TIAM2: variants seen among roughly 807,000 people sequenced by gnomAD.
TIAM2 encodes rho guanine nucleotide exchange factor TIAM2.
TIAM2 carries 80 observed loss-of-function variants against 152.9 expected under a neutral mutation model. The observed-to-expected ratio is 0.52, with a 90% CI of 0.44 to 0.63. The LOEUF (loss-of-function observed/expected upper bound fraction) is 0.63, where lower values mean the gene tolerates loss of function less well. TIAM2 is among the 30% of genes least tolerant of loss of function. The pLI is 0.00. For synonymous variants in TIAM2, 804 were observed against 838.0 expected (o/e 0.96, Z 0.70); for missense variants, 1,965 against 2,120.1 (o/e 0.93, Z 1.44).
chr6:155,153,029 G>C (rs1780011631), intron 7 of TIAM2, among the ~76,000 whole-genome samples: 1 of 152,138 alleles, frequency 6.6e-6, no homozygotes, highest in Non-Finnish European at 1.5e-5. Flanking sequence ...TGGTCAGGTG[G>C]CCTGAAGAGA....
At position 155,254,412 on chromosome 6, in the gene TIAM2, C is replaced by CG. The variant is rs755921688; in HGVS notation, c.4314-7_4314-6insG. On this transcript the variant is annotated splice_polypyrimidine_tract_variant and splice_region_variant and intron_variant, in intron 25 of 26. Transcript: ENST00000682666. The stretch of plus-strand genomic sequence containing the variant: ...ACTTCTGCTGTTTTCTCTCCCCCCC[C>CG]ACCCAGTGACAGTGAAAGCAAAACC... 47 of 1,609,732 alleles carry CG rather than the reference C, an allele frequency of 2.9e-5. No homozygotes were observed. The highest frequency in any genetic ancestry group is 2.3e-4 in the Admixed American group (14 of 59,946).
At chr6:155,117,276 A>AGT (rs35191081) in intron 2 of TIAM2, among the ~76,000 whole-genome samples, 64,329 of 151,200 alleles carry the variant, frequency 0.43, 15,451 homozygotes, top group East Asian at 0.66. Context: ...TTTGCTTGAA[A>AGT]GTGTGTGTGT....
intron 1 of TIAM2, among the ~76,000 whole-genome samples, chr6:155,080,162 C>T (rs770618324): frequency 6.6e-6 from 1 of 151,846 alleles, no homozygotes; most frequent in Non-Finnish European, 1.5e-5. Context: ...TTATCCGCCC[C>T]GTGGCTGTCA....
chr6:155,024,841 A>C (rs1308676546), intron 1 of TIAM2, among the ~76,000 whole-genome samples: 1 of 152,168 alleles, frequency 6.6e-6, no homozygotes, highest in African/African-American at 2.4e-5. Context: ...GCTTTTATTT[A>C]CAGGTGGTTG....
intron 1 of TIAM2, among the ~76,000 whole-genome samples, chr6:155,015,201 T>C (rs1202750396): frequency 1.3e-5 from 2 of 151,498 alleles, no homozygotes; most frequent in East Asian, 3.9e-4. Flanking sequence ...TAGGGAGGGG[T>C]AAAAAATGAC....
chr6:155,087,926 T>C (rs937591182), intron 1 of TIAM2, among the ~76,000 whole-genome samples: 1 of 152,056 alleles, frequency 6.6e-6, no homozygotes, highest in Admixed American at 6.6e-5. Context: ...ACACTACCTC[T>C]TTGAGTTTTA....
intron 9 of TIAM2, among the ~76,000 whole-genome samples, chr6:155,173,453 A>G (rs754986524): frequency 1.3e-5 from 2 of 152,164 alleles, no homozygotes; most frequent in Non-Finnish European, 2.9e-5. Flanking sequence ...ATCTATCTGC[A>G]CACTTTTCTC....
intron 15 of TIAM2, among the ~76,000 whole-genome samples, chr6:155,220,048 G>A (rs1172458804): frequency 6.6e-6 from 1 of 152,250 alleles, no homozygotes; most frequent in Middle Eastern, 3.2e-3. Context: ...GCCATTTCTT[G>A]CAACTGGCCC....
chr6:155,048,676 T>C (rs956501460), intron 1 of TIAM2, among the ~76,000 whole-genome samples: 1 of 152,140 alleles, frequency 6.6e-6, no homozygotes, highest in South Asian at 2.1e-4. Context: ...ATTAGGACTG[T>C]GGGAGAATTT....
At chr6:155,041,413 T>C (rs4476844) in intron 1 of TIAM2, among the ~76,000 whole-genome samples, 37,849 of 152,100 alleles carry the variant, frequency 0.25, 4,774 homozygotes, top group Middle Eastern at 0.29. Flanking sequence ...GTCATTTCCA[T>C]GGGTTTGAGT....
intron 9 of TIAM2, among the ~76,000 whole-genome samples, chr6:155,176,055 T>G (rs1189869895): frequency 6.6e-6 from 1 of 152,166 alleles, no homozygotes; most frequent in Non-Finnish European, 1.5e-5. Flanking sequence ...CTGGATTAAG[T>G]GCAGTTCAGA....
chr6:155,128,831 A>C (rs1206873227), intron 3 of TIAM2, among the ~76,000 whole-genome samples: 3 of 152,018 alleles, frequency 2.0e-5, no homozygotes, highest in African/African-American at 4.8e-5. Context: ...GCGGCACTGC[A>C]CTCCAGCCTG....
chr6:155,118,974 C>T (rs1034215713), intron 2 of TIAM2, among the ~76,000 whole-genome samples: 4 of 151,330 alleles, frequency 2.6e-5, no homozygotes, highest in Non-Finnish European at 1.5e-5. Context: ...AAATCTTGTA[C>T]TTACTGTCTG....
chr6:155,142,820 A>C (rs1322083509), intron 5 of TIAM2, among the ~76,000 whole-genome samples: 1 of 152,230 alleles, frequency 6.6e-6, no homozygotes, highest in Non-Finnish European at 1.5e-5. Flanking sequence ...ATAAAGTACC[A>C]TGGAGGGAGA....
chr6:155,026,150 C>T (rs1414895997), intron 1 of TIAM2, among the ~76,000 whole-genome samples: 1 of 152,044 alleles, frequency 6.6e-6, no homozygotes, highest in Non-Finnish European at 1.5e-5. Flanking sequence ...CTTAAATTGC[C>T]GCATTGCTTT....
Position 155,176,991 on chromosome 6 carries a change from C to T in TIAM2, c.2523+14C>T, listed in dbSNP as rs1327980630. On this transcript the variant is annotated intron_variant, in intron 10 of 26. Coordinates refer to ENST00000682666, the MANE Select transcript of TIAM2 (RefSeq NM_012454.4). ...TTGGCATGCAAGGTAACGGATTTTG[C>T]TGCAGAAATATATTTCTGAATAGAA... The T allele has an allele frequency of 6.3e-7, 1 of 1,598,496 alleles. No homozygotes were observed. Among genetic ancestry groups the T allele is most frequent in the Non-Finnish European group, 8.5e-7 (1 of 1,173,152 alleles).
At chr6:155,072,517 G>T (rs1488440627) in intron 1 of TIAM2, among the ~76,000 whole-genome samples, 1 of 152,154 alleles carries the variant, frequency 6.6e-6, no homozygotes, top group Non-Finnish European at 1.5e-5. Flanking sequence ...CGGCTGGACA[G>T]AGGCACCATT....
chr6:155,029,324 T>G (rs111218611), intron 1 of TIAM2, among the ~76,000 whole-genome samples: 1 of 83,638 alleles, frequency 1.2e-5, no homozygotes, highest in African/African-American at 4.6e-5. Flanking sequence ...ATATACTATA[T>G]GTACTATGTG....
chr6:155,113,285 G>A (rs1394720386), intron 2 of TIAM2, among the ~76,000 whole-genome samples: 1 of 151,996 alleles, frequency 6.6e-6, no homozygotes, highest in Non-Finnish European at 1.5e-5. Flanking sequence ...TCTCCTCCTT[G>A]CAAGTCTCTG....
Sources: gnomAD v4.1 joint callset for allele counts (sites outside exome capture counted in the v4.1 genomes callset) on GRCh38, gnomAD v4.1.1 for gene constraint, MANE v1.5 for transcripts, NCBI Gene and HGNC (gene_info 2026-07-23, HGNC 2026-07-21) for gene names.